ENPP3: variants seen among roughly 807,000 people sequenced by gnomAD.
ENPP3 encodes ectonucleotide pyrophosphatase/phosphodiesterase family member 3.
Under a neutral mutation model 117.8 loss-of-function variants are expected in ENPP3, and 104 were observed. That is an observed-to-expected ratio of 0.88 (90% CI 0.75 to 1.04). The LOEUF is 1.04. ENPP3 is among the 50% of genes least tolerant of loss of function. ENPP3 has a pLI of 0.00. For missense variants in ENPP3, 1,026 were observed against 1,051.9 expected (o/e 0.98, Z 0.34); for synonymous variants, 380 against 349.9 (o/e 1.09, Z -0.96).
chr6:131,664,614 C>T (rs1197237975), intron 6 of ENPP3, among the ~76,000 whole-genome samples: 1 of 152,144 alleles, frequency 6.6e-6, no homozygotes, highest in South Asian at 2.1e-4. Flanking sequence ...CTGACTTACT[C>T]AGAGCAACTT....
In ENPP3 at chr6:131,656,415, T is replaced by C. The variant is rs1778385713; in HGVS notation, c.465-1908T>C. 2.0e-5 allele frequency among the ~76,000 whole-genome samples: 3 copies of C among 152,234 alleles called. No homozygotes were observed. In the South Asian group the frequency reaches 6.2e-4, roughly 32 times the overall value. Reference sequence around the variant, plus strand: ...CTACCTGTCTTGTTTATGAAAGTACTGTATAAGTTAATATCTACTGTTGGG... The same window carrying C: ...CTACCTGTCTTGTTTATGAAAGTACCGTATAAGTTAATATCTACTGTTGGG... On this transcript the variant is annotated intron_variant, in intron 5 of 24. Transcript: ENST00000357639.
chr6:131,637,939 T>C (rs1462973615), intron 1 of ENPP3, among the ~76,000 whole-genome samples: 1 of 149,020 alleles, frequency 6.7e-6, no homozygotes, highest in Admixed American at 6.8e-5. Context: ...ACCCCCCAAA[T>C]AAATTTTCCT....
chr6:131,693,552 G>A lies in ENPP3; in HGVS notation c.1340G>A (p.Arg447Gln), dbSNP rs776853470. ...KPYLTPDLPK[R>Q]LHYAKNVRID... ...TATTTGACTCCTGATTTGCCAAAGC[G>A]ACTGCACTATGCCAAGAACGTCAGA... The change falls in exon 15 of 25, where the codon CGA becomes CAA. Residue 447 changes from arginine to glutamine, a missense_variant. By Grantham distance (43) the Arg-to-Gln change is conservative (BLOSUM62 1). Transcript: ENST00000357639. The A allele has an allele frequency of 5.0e-6, 8 of 1,613,682 alleles. No individual in the cohort carries two copies. Among genetic ancestry groups the A allele is most frequent in the South Asian group, 1.1e-5 (1 of 90,980 alleles).
chr6:131,666,886 C>A (rs1345406422), intron 6 of ENPP3, among the ~76,000 whole-genome samples: 1 of 152,196 alleles, frequency 6.6e-6, no homozygotes, highest in Non-Finnish European at 1.5e-5. Context: ...TTGGCCTGAT[C>A]AGCGATTCTG....
chr6:131,727,555 C>CAAAAAAAAAAA (rs773470669), intron 20 of ENPP3, among the ~76,000 whole-genome samples: 1 of 52,250 alleles, frequency 1.9e-5, no homozygotes, highest in Non-Finnish European at 4.3e-5. Flanking sequence ...AAGTCCATCT[C>CAAAAAAAAAAA]AAAAAAAAAA....
intron 7 of ENPP3, among the ~76,000 whole-genome samples, chr6:131,672,659 T>A (rs954447407): frequency 2.6e-5 from 4 of 151,756 alleles, no homozygotes; most frequent in African/African-American, 9.7e-5. Context: ...ATAATAATAA[T>A]TGACTATATA....
chr6:131,643,476 G>C (rs947066546), intron 2 of ENPP3, among the ~76,000 whole-genome samples: 1 of 152,030 alleles, frequency 6.6e-6, no homozygotes, highest in Non-Finnish European at 1.5e-5. Flanking sequence ...GTGGCAGCAT[G>C]CTCTTCCCTC....
At chr6:131,659,034 T>C (rs1478078018) in intron 6 of ENPP3, among the ~76,000 whole-genome samples, 1 of 152,262 alleles carries the variant, frequency 6.6e-6, no homozygotes, top group Admixed American at 6.5e-5. Flanking sequence ...GTTTGATATG[T>C]GGCATACAAT....
rs988800174 is a variant in ENPP3 at position 131,668,368 on chromosome 6, C to T, written c.563-2880C>T. On this transcript the variant is annotated intron_variant, in intron 6 of 24. Coordinates refer to ENST00000357639, the MANE Select transcript of ENPP3 (RefSeq NM_005021.5). ...GATCTGGGATTACAGGCACGCGCCA[C>T]TGCACTGGGCTAATTTTTGTATTTT... 5.3e-5 allele frequency among the ~76,000 whole-genome samples: 8 copies of T among 152,082 alleles called. No homozygotes were observed. The East Asian group carries it at 1.5e-3, about 29-fold the overall frequency.
chr6:131,697,913 A>G (rs1779444812), intron 15 of ENPP3, among the ~76,000 whole-genome samples: 1 of 152,150 alleles, frequency 6.6e-6, no homozygotes, highest in Non-Finnish European at 1.5e-5. Flanking sequence ...TTCAGCCCCA[A>G]GGGAGCCCAT....
chr6:131,639,441 A>G (rs1777998998), intron 1 of ENPP3, among the ~76,000 whole-genome samples: 1 of 151,656 alleles, frequency 6.6e-6, no homozygotes, highest in Non-Finnish European at 1.5e-5. Context: ...TGTTTATTAT[A>G]TTTATCCTAG....
intron 14 of ENPP3, among the ~76,000 whole-genome samples, chr6:131,690,130 T>A (rs1270941953): frequency 1.3e-5 from 2 of 152,264 alleles, no homozygotes; most frequent in African/African-American, 4.8e-5. Context: ...ACAAAGGATT[T>A]AAATTATTCC....
At position 131,679,034 on chromosome 6, in the gene ENPP3, T is replaced by C. The variant is rs55844240; in HGVS notation, c.1011+1094T>C. ...CCTTCCTTCCTTCCTTCCTTCTTTC[T>C]TTCTTTCTTTCTTTCTTTCTTTCTT... On this transcript the variant is annotated intron_variant, in intron 11 of 24. Coordinates refer to ENST00000357639, the MANE Select transcript of ENPP3 (RefSeq NM_005021.5). Among the ~76,000 whole-genome samples the C allele has an allele frequency of 5.5e-3, 498 of 90,888 alleles. 2 individuals are homozygous for C. Among genetic ancestry groups the C allele is most frequent in the African/African-American group, 0.015 (254 of 16,772 alleles). 59.6% of individuals were successfully genotyped at this position (90,888 alleles called of 152,430 possible).
intron 15 of ENPP3, among the ~76,000 whole-genome samples, chr6:131,696,731 A>G (rs1475130103): frequency 6.6e-6 from 1 of 150,584 alleles, no homozygotes; most frequent in East Asian, 1.9e-4. Context: ...CGTCCTTCAA[A>G]GGCACCTTTT....
chr6:131,708,584 A>G lies in ENPP3; in HGVS notation c.1413-10088A>G, dbSNP rs568126926. ...AGATCAGTCAAAATTACTTTTGAAG[A>G]AAGCAACAATATTGTCAGGTGTCTT... On this transcript the variant is annotated intron_variant, in intron 15 of 24. Transcript: ENST00000357639. The G allele has an allele frequency of 3.5e-4, 542 of 1,532,732 alleles. 61 individuals are homozygous for G. In the African/African-American group the frequency reaches 8.0e-3, roughly 23 times the overall value. The allele number at this position is 1,532,732 out of a possible 1,614,324, so 94.9% of individuals were successfully genotyped here.
At chr6:131,709,804 T>A in intron 15 of ENPP3, 2 of 1,612,768 alleles carry the variant, frequency 1.2e-6, no homozygotes, top group Middle Eastern at 3.5e-4. Context: ...GTAATTTTCC[T>A]CCACTGTTAA....
At chr6:131,663,455 G>C (rs1055511783) in intron 6 of ENPP3, among the ~76,000 whole-genome samples, 10 of 149,650 alleles carry the variant, frequency 6.7e-5, no homozygotes, top group Non-Finnish European at 1.2e-4. Context: ...AGAAGGCCAA[G>C]GAAGGAGGAT....
intron 14 of ENPP3, among the ~76,000 whole-genome samples, chr6:131,686,609 C>A (rs1204478530): frequency 1.3e-5 from 2 of 152,074 alleles, no homozygotes; most frequent in African/African-American, 4.8e-5. Context: ...AATATGGAAC[C>A]TATCATCCTG....
chr6:131,670,471 T>G (rs532073647), intron 6 of ENPP3, among the ~76,000 whole-genome samples: 11 of 151,670 alleles, frequency 7.3e-5, no homozygotes, highest in African/African-American at 2.2e-4. Flanking sequence ...ATTGTTTTAC[T>G]TATTTTAAAA....
Sources: allele counts gnomAD v4.1 joint callset (sites outside exome capture counted in the v4.1 genomes callset), GRCh38; gene constraint gnomAD v4.1.1; transcripts MANE v1.5; gene names NCBI Gene and HGNC (gene_info 2026-07-23, HGNC 2026-07-21).